ST8SIA4: variants seen among roughly 807,000 people sequenced by gnomAD.
ST8SIA4 encodes CMP-N-acetylneuraminate-poly-alpha-2,8-sialyltransferase.
In ST8SIA4, 15 loss-of-function variants were observed where a neutral mutation model predicts 33.9. The observed-to-expected ratio is 0.44, with a 90% CI of 0.30 to 0.68. The LOEUF is 0.68. ST8SIA4 is among the 30% of genes least tolerant of loss of function. ST8SIA4 has a pLI of 0.10. For missense variants in ST8SIA4, 321 were observed against 428.0 expected (o/e 0.75, Z 2.21); for synonymous variants, 171 against 151.2 (o/e 1.13, Z -0.96).
chr5:100,879,720 C>T (rs997873765), intron 3 of ST8SIA4, among the ~76,000 whole-genome samples: 6 of 152,012 alleles, frequency 3.9e-5, no homozygotes, highest in Non-Finnish European at 7.4e-5. Context: ...TATGTTAATA[C>T]GAGAAAACAA....
intron 4 of ST8SIA4, among the ~76,000 whole-genome samples, chr5:100,834,586 C>A (rs1228377886): frequency 6.6e-6 from 1 of 151,994 alleles, no homozygotes; most frequent in Non-Finnish European, 1.5e-5. Flanking sequence ...ATCTATGTCC[C>A]TGGGAAATAC....
At chr5:100,847,885 G>A (rs893932386) in intron 4 of ST8SIA4, among the ~76,000 whole-genome samples, 1 of 152,006 alleles carries the variant, frequency 6.6e-6, no homozygotes, top group Non-Finnish European at 1.5e-5. Flanking sequence ...CAATGTTCTA[G>A]CAAAACTCTG....
At chr5:100,828,442 G>A (rs766819553) in intron 4 of ST8SIA4, among the ~76,000 whole-genome samples, 5 of 152,100 alleles carry the variant, frequency 3.3e-5, no homozygotes, top group Non-Finnish European at 7.3e-5. Flanking sequence ...CCTTCTCTGA[G>A]ACCTCAAAAA....
At position 100,811,992 on chromosome 5, in the gene ST8SIA4, A is replaced by G; in HGVS notation, c.935T>C (p.Val312Ala). Reference protein sequence around the residue: ...PFPKDLNGKAVKYHYYDDLKY... With the variant: ...PFPKDLNGKAAKYHYYDDLKY... ...TAAGTCATCATAATAATGATATTTG[A>G]CCGCTTTTCCATTTAAATCCTTAGG... Residue 312 changes from valine to alanine, a missense_variant, in exon 5 of 5, where the codon GTC becomes GCC. Coordinates refer to ENST00000231461, the MANE Select transcript of ST8SIA4 (RefSeq NM_005668.6). The G allele has an allele frequency of 6.2e-7, 1 of 1,614,128 alleles. No individual in the cohort carries two copies. The highest frequency in any genetic ancestry group is 8.5e-7 in the Non-Finnish European group (1 of 1,180,012).
chr5:100,845,344 T>C (rs1198912306), intron 4 of ST8SIA4, among the ~76,000 whole-genome samples: 1 of 151,830 alleles, frequency 6.6e-6, no homozygotes, highest in East Asian at 1.9e-4. Flanking sequence ...AAAATTTATA[T>C]TTGCATTTAA....
intron 4 of ST8SIA4, among the ~76,000 whole-genome samples, chr5:100,819,748 C>T (rs1044280958): frequency 2.6e-5 from 4 of 151,884 alleles, no homozygotes; most frequent in Non-Finnish European, 5.9e-5. Flanking sequence ...ATGGAGTAAA[C>T]CATTTATAAA....
chr5:100,869,729 C>A (rs1225467658), intron 3 of ST8SIA4, among the ~76,000 whole-genome samples: 1 of 152,138 alleles, frequency 6.6e-6, no homozygotes, highest in African/African-American at 2.4e-5. Context: ...AGATTCCATG[C>A]AAATTCTTAA....
At chr5:100,878,500 T>C (rs1183807419) in intron 3 of ST8SIA4, among the ~76,000 whole-genome samples, 11 of 152,142 alleles carry the variant, frequency 7.2e-5, no homozygotes, top group Non-Finnish European at 1.5e-4. Flanking sequence ...TCCCAGGCAT[T>C]ACTTTTGCTC....
intron 2 of ST8SIA4, among the ~76,000 whole-genome samples, chr5:100,889,223 G>T (rs1387635135): frequency 1.3e-5 from 2 of 151,884 alleles, no homozygotes; most frequent in Non-Finnish European, 2.9e-5. Context: ...CCACTTATTT[G>T]TCTGGTGAAT....
intron 3 of ST8SIA4, among the ~76,000 whole-genome samples, chr5:100,877,071 A>G (rs1303584729): frequency 1.3e-5 from 2 of 152,106 alleles, no homozygotes; most frequent in South Asian, 2.1e-4. Flanking sequence ...TGTACTAATT[A>G]GTGCCCACTG....
chr5:100,816,898 C>T (rs1226312007), intron 4 of ST8SIA4, among the ~76,000 whole-genome samples: 1 of 151,142 alleles, frequency 6.6e-6, no homozygotes, highest in Admixed American at 6.6e-5. Flanking sequence ...TTCTTCCAGT[C>T]TGCAGTAATT....
At chr5:100,823,160 C>CAAAA (rs148619047) in intron 4 of ST8SIA4, among the ~76,000 whole-genome samples, 1 of 149,590 alleles carries the variant, frequency 6.7e-6, no homozygotes, top group African/African-American at 2.5e-5. Context: ...AACAAACAAA[C>CAAAA]AAAAAAACCC....
chr5:100,815,588 T>C (rs951232566), intron 4 of ST8SIA4, among the ~76,000 whole-genome samples: 3 of 152,008 alleles, frequency 2.0e-5, no homozygotes, highest in Non-Finnish European at 4.4e-5. Context: ...ATCTCACTAC[T>C]CTCTCACATA....
intron 4 of ST8SIA4, among the ~76,000 whole-genome samples, chr5:100,823,361 C>T (rs1242356704): frequency 6.6e-6 from 1 of 152,214 alleles, no homozygotes; most frequent in Non-Finnish European, 1.5e-5. Flanking sequence ...AAAAGGGCAA[C>T]CAGCAGCCCT....
rs189011413 is a variant in ST8SIA4, at chr5:100,854,837, C to T, written c.797+1266G>A. On this transcript the variant is annotated intron_variant, in intron 4 of 4. Transcript: ENST00000231461. The stretch of plus-strand genomic sequence containing the variant: ...TGTATCCATTGTATTTAATTGGCCC[C>T]CTGAACTTGCCCTTCCTTTCCAAGT... Among the ~76,000 whole-genome samples the T allele has an allele frequency of 1.5e-3, 227 of 152,206 alleles. 7 individuals carry two copies. Among genetic ancestry groups the T allele is most frequent in the East Asian group, 2.7e-3 (14 of 5,176 alleles).
chr5:100,881,393 T>C (rs1212698383), intron 3 of ST8SIA4, among the ~76,000 whole-genome samples: 1 of 152,342 alleles, frequency 6.6e-6, no homozygotes, highest in East Asian at 1.9e-4. Flanking sequence ...AGAAAGCGCC[T>C]GGGAAATACC....
At chr5:100,869,106 G>A (rs1580472430) in intron 3 of ST8SIA4, among the ~76,000 whole-genome samples, 1 of 152,002 alleles carries the variant, frequency 6.6e-6, no homozygotes. Context: ...CTCAAAAGTC[G>A]AAACTTGCTC....
intron 3 of ST8SIA4, among the ~76,000 whole-genome samples, chr5:100,867,933 T>C (rs187605976): frequency 6.6e-6 from 1 of 152,096 alleles, no homozygotes; most frequent in East Asian, 1.9e-4. Flanking sequence ...TCACATTTAT[T>C]ACACCATACT....
At chr5:100,828,338 T>C (rs1751184334) in intron 4 of ST8SIA4, among the ~76,000 whole-genome samples, 1 of 152,300 alleles carries the variant, frequency 6.6e-6, no homozygotes, top group Non-Finnish European at 1.5e-5. Flanking sequence ...GGCAAGCAGC[T>C]TTCCAAAACA....
Sources: allele counts gnomAD v4.1 joint callset (sites outside exome capture counted in the v4.1 genomes callset), GRCh38; gene constraint gnomAD v4.1.1; transcripts MANE v1.5; gene names NCBI Gene and HGNC (gene_info 2026-07-23, HGNC 2026-07-21).